Variants in TMC5 observed in about 807,000 individuals in gnomAD.
The protein encoded by TMC5 is transmembrane channel-like protein 5.
Under a neutral mutation model 110.5 loss-of-function variants are expected in TMC5, and 86 were observed. The observed-to-expected ratio is 0.78, with a 90% confidence interval of 0.65 to 0.93. TMC5 has a LOEUF of 0.93. Ranked by LOEUF, TMC5 falls within the 40% of genes least tolerant of loss-of-function variation. The pLI is 0.00. For missense variants in TMC5, 1,144 were observed against 1,222.8 expected, an observed-to-expected ratio of 0.94 and a Z score of 0.96; for synonymous variants, 455 against 439.5, an observed-to-expected ratio of 1.04 and a Z score of -0.44.
rs1168794927 is a variant in TMC5, at chr16:19,472,261, C to T, written c.1938+18C>T. 1.2e-6 allele frequency: 2 copies of T among 1,612,516 alleles called. No homozygotes were observed. The highest frequency in any genetic ancestry group is 1.7e-6 in the Non-Finnish European group (2 of 1,179,318). On this transcript the variant is annotated intron_variant, in intron 11 of 21. Coordinates refer to ENST00000542583, the MANE Select transcript of TMC5 (RefSeq NM_001261841.2). ...ACTTAGAGGTAACCAACACCAGGGTCCAGGGCAGAGAGAACCAGGTGAAGG... is the reference window on the plus strand; with the variant it reads ...ACTTAGAGGTAACCAACACCAGGGTTCAGGGCAGAGAGAACCAGGTGAAGG...
Position 19,484,120 on chromosome 16 carries a change from T to C in TMC5, c.2363+2655T>C, listed in dbSNP as rs371676207. Among the ~76,000 whole-genome samples, 3 of 151,632 alleles carry C rather than the reference T, an allele frequency of 2.0e-5. No individual in the cohort carries two copies. The East Asian group carries it at 5.8e-4, about 29-fold the overall frequency. Reference sequence around the variant, plus strand: ...AAAAAGAATAGCTGCCTTTGAATCATGTTGAGGATTAAATGCCATGGTAAA... The same window carrying C: ...AAAAAGAATAGCTGCCTTTGAATCACGTTGAGGATTAAATGCCATGGTAAA... On this transcript the variant is annotated intron_variant, in intron 15 of 21. Transcript: ENST00000542583.
At chr16:19,490,870 C>A (rs1319930048) in intron 18 of TMC5, among the ~76,000 whole-genome samples, 1 of 129,914 alleles carries the variant, frequency 7.7e-6, no homozygotes, top group African/African-American at 2.9e-5. Context: ...TTCATTTTTT[C>A]TTCCTTCCTT....
chr16:19,479,600 A>G (rs1968567807), intron 14 of TMC5, 72 bp downstream of exon 14: 15 of 1,069,608 alleles, frequency 1.4e-5, no homozygotes, highest in Non-Finnish European at 2.2e-5. Context: ...GCTGAGTGGG[A>G]CATACAGGTG....
At chr16:19,430,730 A>C (rs777492066) in intron 2 of TMC5, 90 bp downstream of exon 2, 3 of 152,140 alleles carry the variant, frequency 2.0e-5, no homozygotes, top group Non-Finnish European at 4.4e-5. Flanking sequence ...TAAGTCCATA[A>C]AATGTTTTAT....
At position 19,440,031 on chromosome 16, in the gene TMC5, A is replaced by G. The variant is rs912960574; in HGVS notation, c.-8A>G. On this transcript the variant is annotated 5_prime_UTR_variant, in exon 3 of 22. Coordinates refer to ENST00000542583, the MANE Select transcript of TMC5 (RefSeq NM_001261841.2). ...TTTACCACTCCAGGGTGAAGAGTCC[A>G]TACCAACATGTCTGCCTACTACAGG... The G allele has an allele frequency of 1.9e-6, 3 of 1,609,634 alleles. No individual in the cohort carries two copies. The highest frequency in any genetic ancestry group is 2.2e-5 in the East Asian group (1 of 44,812).
intron 5 of TMC5, among the ~76,000 whole-genome samples, chr16:19,454,749 T>C (rs547663098): frequency 6.6e-6 from 1 of 152,168 alleles, no homozygotes; most frequent in African/African-American, 2.4e-5. Context: ...CCTAGGTGAT[T>C]TGAAATTAGA....
At chr16:19,478,530 C>G (rs1175658376) in intron 13 of TMC5, among the ~76,000 whole-genome samples, 1 of 152,102 alleles carries the variant, frequency 6.6e-6, no homozygotes, top group Non-Finnish European at 1.5e-5. Flanking sequence ...ATTCATCTGT[C>G]CATCCATGTA....
At chr16:19,423,475 G>A (rs767101538) in intron 1 of TMC5, among the ~76,000 whole-genome samples, 1 of 152,200 alleles carries the variant, frequency 6.6e-6, no homozygotes, top group Non-Finnish European at 1.5e-5. Flanking sequence ...AAGGAATTTA[G>A]CACCTCAACA....
chr16:19,467,628 T>A (rs1433303686), intron 9 of TMC5, among the ~76,000 whole-genome samples: 1 of 152,028 alleles, frequency 6.6e-6, no homozygotes, highest in African/African-American at 2.4e-5. Flanking sequence ...ACTATAGGTA[T>A]GTGCCACCAC....
At chr16:19,491,790 G>C (rs939799580) in intron 18 of TMC5, among the ~76,000 whole-genome samples, 1 of 152,080 alleles carries the variant, frequency 6.6e-6, no homozygotes, top group African/African-American at 2.4e-5. Context: ...GCCCGCCTTG[G>C]CCTCCCAAAG....
intron 2 of TMC5, among the ~76,000 whole-genome samples, chr16:19,432,158 A>G (rs887711328): frequency 6.6e-6 from 1 of 152,198 alleles, no homozygotes; most frequent in Non-Finnish European, 1.5e-5. Context: ...CTAGGATGTA[A>G]TTGATCCCTA....
Position 19,490,423 on chromosome 16 carries a change from T to C in TMC5, c.2602T>C (p.Phe868Leu). 6.2e-7 allele frequency: 1 copy of C among 1,614,160 alleles called. No homozygotes were observed. The highest frequency in any genetic ancestry group is 8.5e-7 in the Non-Finnish European group (1 of 1,180,030). Residue 868 changes from phenylalanine (F) to leucine (L), a missense_variant, in exon 18 of 22, where the codon TTT (phenylalanine) becomes CTT (leucine). By Grantham distance (22) the Phe-to-Leu change is conservative. Coordinates refer to ENST00000542583, the MANE Select transcript of TMC5 (RefSeq NM_001261841.2). ...RLKPSADCGP[F>L]RGLPLFIHSI... Reference sequence around the variant, plus strand: ...GAAGCCTTCAGCTGACTGTGGCCCTTTTCGAGGTCTGCCTCTCTTCATTCA... The same window carrying C: ...GAAGCCTTCAGCTGACTGTGGCCCTCTTCGAGGTCTGCCTCTCTTCATTCA...
intron 20 of TMC5, among the ~76,000 whole-genome samples, chr16:19,495,701 C>T (rs950174324): frequency 2.0e-5 from 3 of 151,786 alleles, no homozygotes; most frequent in African/African-American, 4.8e-5. Flanking sequence ...TAATTAGGCA[C>T]GGTGGCATGC....
chr16:19,437,968 G>T (rs2143450937), intron 2 of TMC5, among the ~76,000 whole-genome samples: 1 of 152,316 alleles, frequency 6.6e-6, no homozygotes, highest in East Asian at 1.9e-4. Flanking sequence ...CAGGGGGATG[G>T]TGGACACCTG....
intron 6 of TMC5, among the ~76,000 whole-genome samples, chr16:19,461,143 T>G (rs1409516450): frequency 6.6e-6 from 1 of 152,238 alleles, no homozygotes; most frequent in African/African-American, 2.4e-5. Flanking sequence ...CCAGTACTGG[T>G]ATCTTAGTTT....
chr16:19,425,074 A>G (rs925114505), intron 1 of TMC5, among the ~76,000 whole-genome samples: 1 of 152,222 alleles, frequency 6.6e-6, no homozygotes, highest in Admixed American at 6.5e-5. Context: ...TACTAGAACA[A>G]AAGACACTCC....
chr16:19,483,471 A>G (rs540307054), intron 15 of TMC5, among the ~76,000 whole-genome samples: 2 of 152,248 alleles, frequency 1.3e-5, no homozygotes, highest in Admixed American at 1.3e-4. Flanking sequence ...TCATCTGTAA[A>G]TGCACATAAG....
intron 5 of TMC5, among the ~76,000 whole-genome samples, chr16:19,455,546 CT>C (rs1236858822): frequency 6.6e-6 from 1 of 152,220 alleles, no homozygotes; most frequent in Non-Finnish European, 1.5e-5. Context: ...CTTCTGCAGC[CT>C]TTTTCTCTAC....
chr16:19,490,641 G>A (rs1258715987), intron 18 of TMC5, 73 bp downstream of exon 18: 1 of 1,501,456 alleles, frequency 6.7e-7, no homozygotes, highest in East Asian at 2.3e-5. Context: ...AGGGATGTTT[G>A]GTTGGAAAGC....
Sources: gnomAD v4.1 joint callset for allele counts (sites outside exome capture counted in the v4.1 genomes callset) on GRCh38, gnomAD v4.1.1 for gene constraint, MANE v1.5 for transcripts, NCBI Gene and HGNC (gene_info 2026-07-23, HGNC 2026-07-21) for gene names.